The following PTPRD variants were observed in gnomAD, a reference collection of about 807,000 sequenced individuals.
PTPRD encodes the protein protein tyrosine phosphatase receptor type D.
A neutral mutation model predicts 214.5 loss-of-function variants in PTPRD; 34 were observed. That is an observed-to-expected ratio of 0.16 (90% CI 0.12 to 0.21). The LOEUF is 0.21. Among genes scored for constraint, PTPRD ranks in the 10% least tolerant of loss-of-function variants. The probability of loss-of-function intolerance (pLI) is 1.00; values close to 1 mark genes in which losing one functional copy is unlikely to be tolerated. For missense variants in PTPRD, 2,545 were observed against 2,398.7 expected, an observed-to-expected ratio of 1.06 and a Z score of -1.27; for synonymous variants, 1,128 against 845.7, an observed-to-expected ratio of 1.33 and a Z score of -5.79.
chr9:9,954,780 A>T (rs533774420), intron 4 of PTPRD, among the ~76,000 whole-genome samples: 220 of 152,260 alleles, frequency 1.4e-3, no homozygotes, highest in Middle Eastern at 6.9e-3. Flanking sequence ...AGATTAATAC[A>T]GTAATAGATA....
chr9:8,335,775 A>C (rs1161597644), intron 43 of PTPRD, among the ~76,000 whole-genome samples: 3 of 152,208 alleles, frequency 2.0e-5, no homozygotes, highest in Non-Finnish European at 2.9e-5. Flanking sequence ...TCAAGCTGAT[A>C]AGAAACTTCA....
intron 5 of PTPRD, among the ~76,000 whole-genome samples, chr9:9,854,048 T>C (rs2061064345): frequency 6.6e-6 from 1 of 152,190 alleles, no homozygotes; most frequent in Non-Finnish European, 1.5e-5. Flanking sequence ...ATATACATTA[T>C]CATTAACTCT....
At chr9:9,553,550 T>A (rs570932898) in intron 8 of PTPRD, among the ~76,000 whole-genome samples, 33 of 151,924 alleles carry the variant, frequency 2.2e-4, no homozygotes, top group Non-Finnish European at 5.9e-5. Flanking sequence ...ATTCCAAAGA[T>A]CATGCTCTTT....
chr9:9,773,426 G>C (rs1417518055), intron 5 of PTPRD, among the ~76,000 whole-genome samples: 1 of 152,128 alleles, frequency 6.6e-6, no homozygotes, highest in African/African-American at 2.4e-5. Context: ...ATATATACAT[G>C]ATGATTGACA....
chr9:8,555,815 T>G (rs1365477923), intron 14 of PTPRD, among the ~76,000 whole-genome samples: 1 of 151,984 alleles, frequency 6.6e-6, no homozygotes, highest in African/African-American at 2.4e-5. Context: ...AGATTGCAGA[T>G]GGACTGAAAG....
rs190506069 is a variant in PTPRD, at chr9:9,351,380, T to C, written c.-203+46069A>G. 1.3e-3 allele frequency among the ~76,000 whole-genome samples: 197 copies of C among 152,184 alleles called. 1 individual carries two copies. Among genetic ancestry groups the C allele is most frequent in the African/African-American group, 4.5e-3 (186 of 41,562 alleles). On this transcript the variant is annotated intron_variant, in intron 9 of 45. Transcript: ENST00000381196. ...ATCTGAAGGGATTAGTCACCATTTA[T>C]TGAGCTTGTCTAGAAGGAGAGCAGG... is the stretch of plus-strand genomic sequence containing the variant.
At chr9:8,367,614 G>T (rs188582682) in intron 39 of PTPRD, among the ~76,000 whole-genome samples, 2 of 152,220 alleles carry the variant, frequency 1.3e-5, no homozygotes, top group South Asian at 2.1e-4. Context: ...ACATTTTTCC[G>T]TGTTAAATAT....
intron 2 of PTPRD, among the ~76,000 whole-genome samples, chr9:10,357,271 GTTTGA>G (rs1361123586): frequency 1.3e-5 from 2 of 152,088 alleles, no homozygotes; most frequent in Non-Finnish European, 2.9e-5. Context: ...ATTTTTCTGT[GTTTGA>G]TTTGATTTAA....
intron 35 of PTPRD, among the ~76,000 whole-genome samples, chr9:8,407,089 G>C (rs543441619): frequency 1.3e-5 from 2 of 152,276 alleles, no homozygotes; most frequent in Non-Finnish European, 2.9e-5. Context: ...TCAGCCTTCT[G>C]TAGGACTTAC....
intron 35 of PTPRD, among the ~76,000 whole-genome samples, chr9:8,411,402 C>T (rs2093509993): frequency 6.6e-6 from 1 of 152,074 alleles, no homozygotes; most frequent in East Asian, 1.9e-4. Context: ...CTCCCGGGTT[C>T]AAGCAATTCT....
chr9:9,796,623 G>C (rs1362581561), intron 5 of PTPRD, among the ~76,000 whole-genome samples: 1 of 151,972 alleles, frequency 6.6e-6, no homozygotes, highest in Non-Finnish European at 1.5e-5. Flanking sequence ...AGGAACCAAA[G>C]CACATAAAAG....
chr9:9,696,755 C>G (rs1280488649), intron 7 of PTPRD, among the ~76,000 whole-genome samples: 1 of 152,014 alleles, frequency 6.6e-6, no homozygotes, highest in East Asian at 1.9e-4. Flanking sequence ...TTTATTCGTT[C>G]AGACACTCTT....
At chr9:9,795,938 T>C (rs897289562) in intron 5 of PTPRD, among the ~76,000 whole-genome samples, 3 of 152,224 alleles carry the variant, frequency 2.0e-5, no homozygotes, top group Middle Eastern at 3.4e-3. Context: ...TATCACAGGA[T>C]TGTTTCTATG....
chr9:8,531,000 T>A (rs2075549517), intron 14 of PTPRD, among the ~76,000 whole-genome samples: 1 of 152,024 alleles, frequency 6.6e-6, no homozygotes, highest in Non-Finnish European at 1.5e-5. Flanking sequence ...CATAATACCT[T>A]CCTATCAGAC....
rs565784883 is a variant in PTPRD at position 10,001,729 on chromosome 9, A to T, written c.-472+31989T>A. Among the ~76,000 whole-genome samples, 3 of 152,284 alleles carry T rather than the reference A, an allele frequency of 2.0e-5. No individual in the cohort carries two copies. The East Asian group carries it at 5.8e-4, about 29-fold the overall frequency. On this transcript the variant is annotated intron_variant, in intron 4 of 45. Coordinates refer to ENST00000381196, the MANE Select transcript of PTPRD (RefSeq NM_002839.4). The stretch of plus-strand genomic sequence containing the variant: ...AAAATTAATTAATGTAACTCACCAT[A>T]CTAATTAAGAGAAAAACTAAAGGAA...
intron 12 of PTPRD, among the ~76,000 whole-genome samples, chr9:8,702,408 A>T (rs1172254136): frequency 6.6e-6 from 1 of 152,098 alleles, no homozygotes; most frequent in Non-Finnish European, 1.5e-5. Flanking sequence ...TCATGGATTC[A>T]TTCAACAAAC....
At chr9:10,415,834 G>C (rs1371792672) in intron 2 of PTPRD, among the ~76,000 whole-genome samples, 2 of 151,760 alleles carry the variant, frequency 1.3e-5, no homozygotes, top group African/African-American at 2.4e-5. Context: ...AATATCATAA[G>C]GACATTTTTA....
At chr9:9,787,838 A>G (rs1392254586) in intron 5 of PTPRD, among the ~76,000 whole-genome samples, 1 of 151,602 alleles carries the variant, frequency 6.6e-6, no homozygotes, top group African/African-American at 2.4e-5. Context: ...CTGGAGTGCA[A>G]TGGCGTGATC....
intron 3 of PTPRD, among the ~76,000 whole-genome samples, chr9:10,087,584 T>C (rs1475180009): frequency 1.3e-5 from 2 of 151,616 alleles, no homozygotes; most frequent in Non-Finnish European, 3.0e-5. Context: ...AGACTAATAT[T>C]ATAATAACTG....
Sources: allele counts gnomAD v4.1 joint callset (sites outside exome capture counted in the v4.1 genomes callset), GRCh38; gene constraint gnomAD v4.1.1; transcripts MANE v1.5; gene names NCBI Gene and HGNC (gene_info 2026-07-23, HGNC 2026-07-21).